The following RNF19A variants were observed in gnomAD, a reference collection of about 807,000 sequenced individuals.
RNF19A encodes the protein ring finger protein 19A, RBR E3 ubiquitin protein ligase.
A neutral mutation model predicts 75.7 loss-of-function variants in RNF19A; 32 were observed. The observed-to-expected ratio is 0.42, with a 90% CI of 0.32 to 0.57. The LOEUF (loss-of-function observed/expected upper bound fraction) is 0.57, where lower values mean the gene tolerates loss of function less well. Ranked by LOEUF, RNF19A falls within the 20% of genes least tolerant of loss-of-function variation. RNF19A has a pLI of 0.10. For synonymous variants in RNF19A, 335 were observed against 345.2 expected (o/e 0.97, Z 0.33); for missense variants, 782 against 1,036.3 (o/e 0.75, Z 3.37).
In RNF19A at chr8:100,268,988, A is replaced by T. The variant is rs762905371; in HGVS notation, c.1029-41T>A. ...ATAATGTAAATAACTGCTGCAAAAC[A>T]CCACAATAACAAATTAGTGCACTAT... On this transcript the variant is annotated intron_variant, in intron 4 of 9. Transcript: ENST00000341084. 2.7e-6 allele frequency: 4 copies of T among 1,482,608 alleles called. No homozygotes were observed. The South Asian group carries it at 5.2e-5, about 19-fold the overall frequency. The allele number at this position is 1,482,608 out of a possible 1,614,324, so 91.8% of individuals were successfully genotyped here.
In RNF19A at chr8:100,291,996, A is replaced by G. The variant is rs1427016455; in HGVS notation, c.-93-3729T>C. ...TTTTTTTTTTTTTTTTTTTCAAGTA[A>G]AGATGGAATAGGTACAGATAATTCC... On this transcript the variant is annotated intron_variant, in intron 1 of 9. Transcript: ENST00000341084. Among the ~76,000 whole-genome samples the G allele has an allele frequency of 4.1e-5, 6 of 147,778 alleles. No homozygotes were observed. In the East Asian group the frequency reaches 1.2e-3, roughly 29 times the overall value.
chr8:100,298,772 A>G (rs1394516883), intron 1 of RNF19A, among the ~76,000 whole-genome samples: 2 of 152,236 alleles, frequency 1.3e-5, no homozygotes, highest in African/African-American at 4.8e-5. Context: ...AAGTTATTAC[A>G]AAAAGTAAGC....
chr8:100,277,913 A>G (rs1181291775), intron 2 of RNF19A, among the ~76,000 whole-genome samples: 1 of 152,226 alleles, frequency 6.6e-6, no homozygotes, highest in East Asian at 1.9e-4. Context: ...CTTTTATTGA[A>G]GGAAGGAAGA....
At chr8:100,294,918 T>C (rs1031818007) in intron 1 of RNF19A, among the ~76,000 whole-genome samples, 1 of 152,240 alleles carries the variant, frequency 6.6e-6, no homozygotes, top group Non-Finnish European at 1.5e-5. Flanking sequence ...TGACTAAATG[T>C]GTTAAACTTT....
At chr8:100,302,731 G>A (rs941057635) in intron 1 of RNF19A, among the ~76,000 whole-genome samples, 2 of 152,098 alleles carry the variant, frequency 1.3e-5, no homozygotes, top group African/African-American at 2.4e-5. Flanking sequence ...AGACAGAAAA[G>A]GTGGAAGGGG....
At chr8:100,266,659 C>T (rs1819995047) in intron 5 of RNF19A, among the ~76,000 whole-genome samples, 1 of 152,064 alleles carries the variant, frequency 6.6e-6, no homozygotes. Context: ...TACAGGCATG[C>T]ACCACCACTC....
chr8:100,282,637 A>G (rs1820833810), intron 2 of RNF19A, among the ~76,000 whole-genome samples: 1 of 149,158 alleles, frequency 6.7e-6, no homozygotes, highest in South Asian at 2.1e-4. Context: ...TCTAAGTCCC[A>G]TGTACTTGTT....
intron 3 of RNF19A, among the ~76,000 whole-genome samples, chr8:100,273,911 A>G (rs1820378467): frequency 6.6e-6 from 1 of 151,996 alleles, no homozygotes; most frequent in Non-Finnish European, 1.5e-5. Flanking sequence ...CCTCCCGAGT[A>G]GCTGGGGATT....
At position 100,331,383 on chromosome 8, in the gene RNF19A, C is replaced by G. The variant is rs1192418055; in HGVS notation, c.-243+4725G>C. Among the ~76,000 whole-genome samples, 2 of 152,184 alleles carry G rather than the reference C, an allele frequency of 1.3e-5. No individual in the cohort carries two copies. The highest frequency in any genetic ancestry group is 1.5e-5 in the Non-Finnish European group (1 of 68,036). The stretch of plus-strand genomic sequence containing the variant: ...AGGTATGGTGGCTCATGCCTGTAAT[C>G]CCAGTACTTTGGGAGGTCAAGGTGG... On this transcript the variant is annotated intron_variant, in intron 1 of 3. Transcript: ENST00000519527. This position sits in a 1 kb window ranked among gnomAD's most constrained non-coding sequence, Gnocchi z 5.2.
chr8:100,312,066 A>C (rs942163300), upstream of RNF19A, among the ~76,000 whole-genome samples: 1 of 152,220 alleles, frequency 6.6e-6, no homozygotes, highest in African/African-American at 2.4e-5. Context: ...TCATTCACCC[A>C]GACACAAGCC....
At chr8:100,262,143 T>C (rs1478479182) in intron 7 of RNF19A, among the ~76,000 whole-genome samples, 1 of 152,322 alleles carries the variant, frequency 6.6e-6, no homozygotes, top group South Asian at 2.1e-4. Flanking sequence ...CAAGCTATTA[T>C]TAAGATCTGA....
intron 1 of RNF19A, among the ~76,000 whole-genome samples, chr8:100,293,068 T>C (rs1586659011): frequency 6.6e-6 from 1 of 152,210 alleles, no homozygotes; most frequent in Non-Finnish European, 1.5e-5. Context: ...CAGTTCGCAA[T>C]ACTCCTATGA....
intron 1 of RNF19A, among the ~76,000 whole-genome samples, chr8:100,307,141 A>G (rs1005962497): frequency 2.6e-5 from 4 of 152,240 alleles, no homozygotes; most frequent in African/African-American, 9.6e-5. Flanking sequence ...AAAAGATCAT[A>G]AGCTTATTAG....
At chr8:100,316,439 G>T (rs1361480678) in intron 1 of RNF19A, among the ~76,000 whole-genome samples, 1 of 152,110 alleles carries the variant, frequency 6.6e-6, no homozygotes, top group African/African-American at 2.4e-5. Context: ...AGAGCCAAGT[G>T]GTCTGTTTTG....
chr8:100,273,727 G>C (rs904344991), intron 3 of RNF19A, among the ~76,000 whole-genome samples: 3 of 152,060 alleles, frequency 2.0e-5, no homozygotes, highest in African/African-American at 7.2e-5. Context: ...CTATGAGCCA[G>C]GAACTATTTC....
At chr8:100,313,911 T>TTTTTTTTTTTTTTTTG (rs1563872294), upstream of RNF19A, among the ~76,000 whole-genome samples, 1 of 151,116 alleles carries the variant, frequency 6.6e-6, no homozygotes, top group African/African-American at 2.4e-5. Flanking sequence ...ACTTTTTTTT[T>TTTTTTTTTTTTTTTTG]GAGACAGAGT....
At chr8:100,283,770 A>T (rs1301535576) in intron 2 of RNF19A, among the ~76,000 whole-genome samples, 1 of 152,220 alleles carries the variant, frequency 6.6e-6, no homozygotes, top group Non-Finnish European at 1.5e-5. Context: ...ATAATTTCAC[A>T]TCTAGCATTT....
At position 100,258,198 on chromosome 8, in the gene RNF19A, GT is replaced by G; in HGVS notation, c.*357del. On this transcript the variant is annotated 3_prime_UTR_variant, in exon 10 of 10. Coordinates refer to ENST00000341084, the MANE Select transcript of RNF19A (RefSeq NM_183419.4). This position sits in a 1 kb window ranked among gnomAD's most constrained non-coding sequence, Gnocchi z 4.3. ...TAACCACTTATCCCTAAAGCCTCAA[GT>G]TTTCTTCATTTGAATGCTGTAGAAT... is the stretch of plus-strand genomic sequence containing the variant. 2.4e-6 allele frequency: 1 copy of G among 409,026 alleles called. No homozygotes were observed. The highest frequency in any genetic ancestry group is 4.3e-6 in the Non-Finnish European group (1 of 232,958). 25.3% of individuals were successfully genotyped at this position (409,026 alleles called of 1,614,324 possible). A position where few individuals can be genotyped will look rare whatever the true frequency, so the allele number is the denominator to read the frequency against.
In RNF19A at chr8:100,308,813, T is replaced by G. The variant is rs565769638; in HGVS notation, c.-94+1054A>C. On this transcript the variant is annotated intron_variant, in intron 1 of 9. Coordinates refer to ENST00000341084, the MANE Select transcript of RNF19A (RefSeq NM_183419.4). ...AGCATTTCTAGCCAACATCTAGGTT[T>G]GAAAATTGCAACGGCACTTAAACGC... Among the ~76,000 whole-genome samples the G allele has an allele frequency of 8.5e-5, 13 of 152,340 alleles. No homozygotes were observed. In the East Asian group the frequency reaches 1.7e-3, roughly 20 times the overall value.
Sources: gnomAD v4.1 joint callset for allele counts (sites outside exome capture counted in the v4.1 genomes callset) on GRCh38, gnomAD v4.1.1 for gene constraint, Gnocchi (gnomAD v3.1) non-coding constraint, MANE v1.5 for transcripts, NCBI Gene and HGNC (gene_info 2026-07-23, HGNC 2026-07-21) for gene names.